The following HACL1 variants were observed in gnomAD, a reference collection of about 807,000 sequenced individuals.
HACL1 encodes 2-hydroxyacyl-CoA lyase 1.
Under a neutral mutation model 74.2 loss-of-function variants are expected in HACL1, and 64 were observed. That is an observed-to-expected ratio of 0.86 (90% CI 0.70 to 1.06). HACL1 has a LOEUF of 1.06. HACL1 is among the 50% of genes least tolerant of loss of function. The pLI, the probability that HACL1 is intolerant of heterozygous loss-of-function variation, is 0.00. For missense variants in HACL1, 728 were observed against 719.7 expected (o/e 1.01, Z -0.13); for synonymous variants, 230 against 238.8 (o/e 0.96, Z 0.34).
chr3:15,580,313 T>A (rs2063698521), intron 8 of HACL1, among the ~76,000 whole-genome samples: 1 of 152,092 alleles, frequency 6.6e-6, no homozygotes, highest in African/African-American at 2.4e-5. Context: ...AAATTTTCTG[T>A]ATAGACGAGG....
chr3:15,595,857 T>G (rs1399065684), intron 3 of HACL1: 1 of 152,252 alleles, frequency 6.6e-6, no homozygotes, highest in Admixed American at 6.6e-5. Flanking sequence ...GTGATCCACC[T>G]GCCTCAGCCT....
At chr3:15,568,361 C>G (rs2063469944) in intron 13 of HACL1, 71 bp downstream of exon 13, 2 of 904,970 alleles carry the variant, frequency 2.2e-6, no homozygotes. Flanking sequence ...TCTTCTTAAT[C>G]TGCACTATTA....
At chr3:15,596,091 G>T in intron 3 of HACL1, 1 of 284,554 alleles carries the variant, frequency 3.5e-6, no homozygotes, top group East Asian at 6.9e-5. Context: ...AAGCATTTTT[G>T]TATTAAGTGT....
chr3:15,601,459 G>C lies in HACL1; in HGVS notation c.5C>G (p.Pro2Arg). 1.2e-6 allele frequency: 2 copies of C among 1,613,046 alleles called. No homozygotes were observed. The change falls in exon 1 of 17, where the codon CCG becomes CGG. Residue 2 changes from proline to arginine, a missense_variant. By Grantham distance (103) the Pro-to-Arg change is moderately radical (BLOSUM62 -2). Transcript: ENST00000321169. ...GCTGCGCTCTGCGAAGTTACTGTCCGGCATCTTCCACCGAAAAGCTCTAAG... is the reference window on the plus strand; with the variant it reads ...GCTGCGCTCTGCGAAGTTACTGTCCCGCATCTTCCACCGAAAAGCTCTAAG... M[P>R]DSNFAERSEE...
At chr3:15,592,635 T>C (rs868106044) in intron 3 of HACL1, among the ~76,000 whole-genome samples, 1,629 of 20,040 alleles carry the variant, frequency 0.081, 68 homozygotes, top group Non-Finnish European at 0.1. Flanking sequence ...TGTACGCACA[T>C]GTGTGCGTGT....
chr3:15,592,471 C>G (rs1349027116), intron 3 of HACL1, among the ~76,000 whole-genome samples: 2 of 29,856 alleles, frequency 6.7e-5, no homozygotes, highest in Non-Finnish European at 1.4e-4. Flanking sequence ...TACATACACA[C>G]ACGTATACAT....
chr3:15,590,448 G>A (rs143863944), intron 4 of HACL1, among the ~76,000 whole-genome samples: 3 of 152,014 alleles, frequency 2.0e-5, no homozygotes, highest in Admixed American at 6.5e-5. Flanking sequence ...AGAAACACAG[G>A]GCAAGAAAGA....
chr3:15,600,379 T>A (rs961519742), intron 2 of HACL1, among the ~76,000 whole-genome samples: 2 of 152,226 alleles, frequency 1.3e-5, no homozygotes, highest in Admixed American at 1.3e-4. Flanking sequence ...ATCACAGAAG[T>A]GGATTCTTGA....
rs1574949410 is a variant in HACL1 at position 15,596,417 on chromosome 3, T to C, written c.194A>G (p.Tyr65Cys). Residue 65 changes from tyrosine to cysteine, a missense_variant, in exon 3 of 17, where the codon TAT (tyrosine) becomes TGT (cysteine). Tyr to Cys is a radical substitution (Grantham distance 194, BLOSUM62 -2). Coordinates refer to ENST00000321169, the MANE Select transcript of HACL1 (RefSeq NM_012260.4). Reference protein sequence around the residue: ...IGMRNEQAACYAASAIGYLTS... With the variant: ...IGMRNEQAACCAASAIGYLTS... Reference sequence around the variant, plus strand: ...CAGATATCCAATCGCGGAGGCAGCATAACAAGCCTACGAGAAAACAACACT... The same window carrying C: ...CAGATATCCAATCGCGGAGGCAGCACAACAAGCCTACGAGAAAACAACACT... 1 of 1,598,120 alleles carries C rather than the reference T, an allele frequency of 6.3e-7. No homozygotes were observed. Among genetic ancestry groups the C allele is most frequent in the Non-Finnish European group, 8.6e-7 (1 of 1,165,530 alleles).
intron 8 of HACL1, among the ~76,000 whole-genome samples, chr3:15,582,652 T>C (rs1247766422): frequency 6.6e-6 from 1 of 152,216 alleles, no homozygotes; most frequent in Non-Finnish European, 1.5e-5. Flanking sequence ...CACATTTCAC[T>C]AATAAGACCA....
At chr3:15,594,066 T>G (rs984363716) in intron 3 of HACL1, among the ~76,000 whole-genome samples, 4 of 152,216 alleles carry the variant, frequency 2.6e-5, no homozygotes, top group Non-Finnish European at 5.9e-5. Flanking sequence ...CCCAAAGTGC[T>G]GGGATTACAG....
chr3:15,590,213 T>C (rs181324808), intron 4 of HACL1, among the ~76,000 whole-genome samples: 42 of 152,238 alleles, frequency 2.8e-4, no homozygotes, highest in Admixed American at 2.4e-3. Flanking sequence ...AAATAAATTT[T>C]TATGCCTTTC....
In HACL1 at chr3:15,567,902, A is replaced by G; in HGVS notation, c.1351T>C (p.Cys451Arg). 1 of 1,614,152 alleles carries G rather than the reference A, an allele frequency of 6.2e-7. No individual in the cohort carries two copies. The highest frequency in any genetic ancestry group is 8.5e-7 in the Non-Finnish European group (1 of 1,179,932). Reference sequence around the variant, plus strand: ...CCAAATGCACTGTCTCCTTCCACACAGATGATCCATTGCCCAGGGCTTCTA... The same window carrying G: ...CCAAATGCACTGTCTCCTTCCACACGGATGATCCATTGCCCAGGGCTTCTA... ...KDRSPGQWII[C>R]VEGDSAFGFS... The change falls in exon 14 of 17, where the codon TGT becomes CGT. Residue 451 changes from cysteine to arginine, a missense_variant. By Grantham distance (180) the Cys-to-Arg change is radical. Transcript: ENST00000321169.
chr3:15,581,568 T>G (rs898965366), intron 8 of HACL1, among the ~76,000 whole-genome samples: 5 of 152,222 alleles, frequency 3.3e-5, no homozygotes, highest in African/African-American at 1.2e-4. Context: ...CACTCAGTTC[T>G]CTCTTCCTGC....
At position 15,593,076 on chromosome 3, in the gene HACL1, T is replaced by C. The variant is rs116608019; in HGVS notation, c.228-1396A>G. Reference sequence around the variant, plus strand: ...GTGAGATGCTATCTCAAAAAAAGTGTATATATACACACACATATACATATA... The same window carrying C: ...GTGAGATGCTATCTCAAAAAAAGTGCATATATACACACACATATACATATA... On this transcript the variant is annotated intron_variant, in intron 3 of 16. Transcript: ENST00000321169. 5.6e-5 allele frequency among the ~76,000 whole-genome samples: 8 copies of C among 142,758 alleles called. 1 individual carries two copies. Among genetic ancestry groups the C allele is most frequent in the African/African-American group, 2.3e-4 (8 of 34,750 alleles). The allele number at this position is 142,758 out of a possible 152,430, so 93.7% of individuals were successfully genotyped here.
chr3:15,591,869 TAC>T (rs1279397170), intron 3 of HACL1, among the ~76,000 whole-genome samples, 189 bp from the exon 4 acceptor site: 2 of 150,730 alleles, frequency 1.3e-5, no homozygotes, highest in Non-Finnish European at 3.0e-5. Context: ...GCGATATATA[TAC>T]ATACACACAT....
chr3:15,569,384 G>T (rs778100915), intron 12 of HACL1, among the ~76,000 whole-genome samples: 1 of 152,196 alleles, frequency 6.6e-6, no homozygotes, highest in Non-Finnish European at 1.5e-5. Context: ...TATGACTCAG[G>T]AAATAAAATT....
chr3:15,601,228 A>G, intron 1 of HACL1, 34 bp from the exon 2 acceptor site: 4 of 1,555,280 alleles, frequency 2.6e-6, no homozygotes, highest in Non-Finnish European at 3.6e-6. Flanking sequence ...TAAACTCCCA[A>G]GGCCCCACCA....
At chr3:15,578,112 A>C (rs952590979) in intron 9 of HACL1, among the ~76,000 whole-genome samples, 2 of 151,352 alleles carry the variant, frequency 1.3e-5, no homozygotes, top group African/African-American at 2.4e-5. Context: ...AAAAAAAAAA[A>C]AAAAAACCAA....
Sources: gnomAD v4.1 joint callset for allele counts (sites outside exome capture counted in the v4.1 genomes callset) on GRCh38, gnomAD v4.1.1 for gene constraint, MANE v1.5 for transcripts, NCBI Gene and HGNC (gene_info 2026-07-23, HGNC 2026-07-21) for gene names.